Variants in C2CD3 observed in about 807,000 individuals in gnomAD.
C2CD3 encodes C2 domain containing 3 centriole elongation regulator, also known as C2 domain-containing protein 3.
A neutral mutation model predicts 234.0 loss-of-function variants in C2CD3; 148 were observed. The observed-to-expected ratio is 0.63, with a 90% confidence interval of 0.55 to 0.72. The LOEUF (loss-of-function observed/expected upper bound fraction) is 0.72. Among genes scored for constraint, C2CD3 ranks in the 30% least tolerant of loss-of-function variants. The pLI is 0.00. For synonymous variants in C2CD3, 1,000 were observed against 1,035.4 expected (o/e 0.97, Z 0.66); for missense variants, 2,577 against 2,811.5 (o/e 0.92, Z 1.89).
At chr11:74,132,205 G>A (rs1251291199) in intron 7 of C2CD3, among the ~76,000 whole-genome samples, 1 of 152,112 alleles carries the variant, frequency 6.6e-6, no homozygotes, top group Non-Finnish European at 1.5e-5. Flanking sequence ...ACAAAAATTA[G>A]CCAAAAGTGG....
At chr11:74,166,025 T>C (rs1490201249) in intron 2 of C2CD3, among the ~76,000 whole-genome samples, 1 of 150,886 alleles carries the variant, frequency 6.6e-6, no homozygotes. Flanking sequence ...AAACACATCA[T>C]GTCGGCCGGG....
chr11:74,161,376 A>C (rs550181319), intron 3 of C2CD3, 23 bp downstream of exon 3: 6 of 1,489,992 alleles, frequency 4.0e-6, no homozygotes, highest in Non-Finnish European at 5.5e-6. Context: ...TTTATGCAGC[A>C]AATAATTAAA....
intron 10 of C2CD3, 22 bp downstream of exon 10, chr11:74,114,360 AGC>A: frequency 6.4e-7 from 1 of 1,552,416 alleles, no homozygotes; most frequent in Non-Finnish European, 8.9e-7. Flanking sequence ...TGTCAAATTT[AGC>A]TTTCTCATGT....
intron 2 of C2CD3, among the ~76,000 whole-genome samples, chr11:74,161,997 G>A (rs906773963): frequency 1.3e-5 from 2 of 151,606 alleles, no homozygotes; most frequent in Non-Finnish European, 2.9e-5. Context: ...TTTTATTTTT[G>A]TAGAGACAAG....
In C2CD3 at chr11:74,078,493, T is replaced by C. The variant is rs745437106; in HGVS notation, c.4225A>G (p.Ile1409Val). The change falls in exon 23 of 33, where the codon ATC (isoleucine) becomes GTC (valine). Residue 1409 changes from isoleucine (I) to valine (V), a missense_variant. Coordinates refer to ENST00000334126, the MANE Select transcript of C2CD3 (RefSeq NM_001286577.2). The stretch of plus-strand genomic sequence containing the variant: ...GGCAGCCACAGCCTTGGGGTGGAGA[T>C]GGTGACAGTGGCTGGCTCCCCTTCA... ...MDEGEPATVTISTPRLWLPIH... is the reference protein window; with the variant it reads ...MDEGEPATVTVSTPRLWLPIH... The C allele has an allele frequency of 5.0e-6, 8 of 1,614,006 alleles. No homozygotes were observed. Among genetic ancestry groups the C allele is most frequent in the East Asian group, 2.2e-5 (1 of 44,892 alleles).
chr11:74,062,099 T>C (rs1013046067), intron 24 of C2CD3, among the ~76,000 whole-genome samples: 1 of 152,118 alleles, frequency 6.6e-6, no homozygotes, highest in African/African-American at 2.4e-5. Flanking sequence ...ATGCACCCAA[T>C]ACAGGAGCAC....
chr11:74,047,509 T>C (rs1453913850), intron 28 of C2CD3, among the ~76,000 whole-genome samples: 2 of 152,178 alleles, frequency 1.3e-5, no homozygotes, highest in Non-Finnish European at 2.9e-5. Flanking sequence ...GATCTCTTCA[T>C]GTGGTGATCA....
intron 24 of C2CD3, among the ~76,000 whole-genome samples, chr11:74,069,604 A>G (rs1954705027): frequency 6.6e-6 from 1 of 152,260 alleles, no homozygotes; most frequent in Admixed American, 6.5e-5. Flanking sequence ...TATTATAAAA[A>G]TAAGGCAACC....
chr11:74,083,132 A>C (rs1590745849), intron 22 of C2CD3, among the ~76,000 whole-genome samples: 1 of 152,346 alleles, frequency 6.6e-6, no homozygotes, highest in East Asian at 1.9e-4. Context: ...CTCAGAAATA[A>C]CACCACACAT....
At position 74,114,462 on chromosome 11, in the gene C2CD3, G is replaced by A. The variant is rs61745380; in HGVS notation, c.1652C>T (p.Pro551Leu). ...VRIIIETMGV[P>L]PDSPQMTPGK... is the part of the protein sequence containing the mutation. ...AGGGGTCATCTGAGGACTATCTGGA[G>A]GAACTCCCATGGTTTCGATGATGAT... Residue 551 changes from proline to leucine, a missense_variant, in exon 10 of 33, where the codon CCT becomes CTT. Physicochemically the swap from Pro to Leu is moderately conservative, Grantham distance 98 (BLOSUM62 -3). Transcript: ENST00000334126. The A allele has an allele frequency of 1.1e-4, 183 of 1,613,904 alleles. No individual in the cohort carries two copies. Among genetic ancestry groups the A allele is most frequent in the Middle Eastern group, 1.6e-4 (1 of 6,084 alleles).
chr11:74,024,008 C>A (rs144890777), intron 32 of C2CD3, among the ~76,000 whole-genome samples: 3 of 152,314 alleles, frequency 2.0e-5, no homozygotes, highest in African/African-American at 7.2e-5. Flanking sequence ...ATCTAAGAAT[C>A]GAAACATCTC....
chr11:74,119,066 C>T (rs568385321), intron 8 of C2CD3, among the ~76,000 whole-genome samples: 6 of 152,024 alleles, frequency 3.9e-5, no homozygotes, highest in Non-Finnish European at 8.8e-5. Flanking sequence ...TGAGCCACCA[C>T]ACCTGACTAA....
At position 74,078,196 on chromosome 11, in the gene C2CD3, G is replaced by T; in HGVS notation, c.4522C>A (p.Gln1508Lys). The T allele has an allele frequency of 6.2e-7, 1 of 1,614,074 alleles. No individual in the cohort carries two copies. The highest frequency in any genetic ancestry group is 8.5e-7 in the Non-Finnish European group (1 of 1,180,006). Residue 1508 changes from glutamine (Q) to lysine (K), a missense_variant, in exon 23 of 33, where the codon CAG (glutamine) becomes AAG (lysine). Physicochemically the swap from Gln to Lys is moderately conservative, Grantham distance 53. Coordinates refer to ENST00000334126, the MANE Select transcript of C2CD3 (RefSeq NM_001286577.2). ...YGNDSVERPHQTDSWIGSAYV... is the reference protein window; with the variant it reads ...YGNDSVERPHKTDSWIGSAYV... ...GCTGAGCCAATCCAGCTGTCTGTCTGATGGGGTCTCTCCACACTGTCATTG... is the reference window on the plus strand; with the variant it reads ...GCTGAGCCAATCCAGCTGTCTGTCTTATGGGGTCTCTCCACACTGTCATTG...
intron 3 of C2CD3, among the ~76,000 whole-genome samples, chr11:74,156,286 A>G (rs1193849182): frequency 6.6e-6 from 1 of 151,402 alleles, no homozygotes; most frequent in Non-Finnish European, 1.5e-5. Context: ...AAACAAACAA[A>G]TTAACAAACA....
chr11:74,018,634 G>A (rs2135399787), intron 32 of C2CD3, among the ~76,000 whole-genome samples: 1 of 152,278 alleles, frequency 6.6e-6, no homozygotes, highest in East Asian at 1.9e-4. Context: ...CCCTTTGGCT[G>A]GCTGCCTTTC....
chr11:74,127,945 C>T lies in C2CD3; in HGVS notation c.1218-4810G>A, dbSNP rs572497827. Among the ~76,000 whole-genome samples the T allele has an allele frequency of 8.7e-4, 133 of 152,060 alleles. 2 individuals carry two copies. The highest frequency in any genetic ancestry group is 1.5e-3 in the South Asian group (7 of 4,814). Reference sequence around the variant, plus strand: ...TGGCGCGATCTCGGCTCACTGCAAGCTCCGCCTCCTGGGTTCATGCCATTC... The same window carrying T: ...TGGCGCGATCTCGGCTCACTGCAAGTTCCGCCTCCTGGGTTCATGCCATTC... On this transcript the variant is annotated intron_variant, in intron 7 of 32. Coordinates refer to ENST00000334126, the MANE Select transcript of C2CD3 (RefSeq NM_001286577.2).
chr11:74,101,205 A>T (rs1956302969), intron 14 of C2CD3, among the ~76,000 whole-genome samples: 1 of 152,204 alleles, frequency 6.6e-6, no homozygotes, highest in African/African-American at 2.4e-5. Flanking sequence ...TTTCAACATA[A>T]AATTACTCCA....
intron 7 of C2CD3, chr11:74,129,852 C>G: frequency 6.4e-6 from 1 of 155,438 alleles, no homozygotes; most frequent in Non-Finnish European, 1.2e-5. Context: ...GCTGGCGGAT[C>G]ACTCGCGGTT....
At chr11:74,040,508 C>T (rs1236491647) in intron 29 of C2CD3, among the ~76,000 whole-genome samples, 1 of 151,320 alleles carries the variant, frequency 6.6e-6, no homozygotes, top group Non-Finnish European at 1.5e-5. Flanking sequence ...TGCAATGGCT[C>T]ACGCCTGTAA....
Sources: gnomAD v4.1 joint callset for allele counts (sites outside exome capture counted in the v4.1 genomes callset) on GRCh38, gnomAD v4.1.1 for gene constraint, MANE v1.5 for transcripts, NCBI Gene and HGNC (gene_info 2026-07-23, HGNC 2026-07-21) for gene names.